The following KCNQ1 variants were observed in gnomAD, a reference collection of about 807,000 sequenced individuals.
KCNQ1 encodes the protein potassium voltage-gated channel subfamily KQT member 1.
KCNQ1 carries 49 observed loss-of-function variants against 72.4 expected under a neutral mutation model. That is an observed-to-expected ratio of 0.68 (90% CI 0.54 to 0.86). The LOEUF is 0.86. Ranked by LOEUF, KCNQ1 falls within the 40% of genes least tolerant of loss-of-function variation. The pLI, the probability that KCNQ1 is intolerant of heterozygous loss-of-function variation, is 0.00. For synonymous variants in KCNQ1, 450 were observed against 412.6 expected (o/e 1.09, Z -1.10); for missense variants, 790 against 945.1 (o/e 0.84, Z 2.15).
intron 10 of KCNQ1, chr11:2,630,492 CA>C (rs1414642440): frequency 5.0e-6 from 2 of 398,298 alleles, no homozygotes; most frequent in African/African-American, 4.1e-5. Context: ...TCCCCCGCTA[CA>C]TTTTATTTTT....
rs897749338 is a variant in KCNQ1 at position 2,559,311 on chromosome 11, C to T, written c.478-11317C>T. Among the ~76,000 whole-genome samples the T allele has an allele frequency of 2.5e-4, 38 of 152,286 alleles. No individual in the cohort carries two copies. Among genetic ancestry groups the T allele is most frequent in the African/African-American group, 8.7e-4 (36 of 41,560 alleles). ...CGTAGAGAAATGTGTGAACATGGCTCCCCTTAGGCCAGGGGTAGACGCAGG... is the reference window on the plus strand; with the variant it reads ...CGTAGAGAAATGTGTGAACATGGCTTCCCTTAGGCCAGGGGTAGACGCAGG... On this transcript the variant is annotated intron_variant, in intron 2 of 15. Coordinates refer to ENST00000155840, the MANE Select transcript of KCNQ1 (RefSeq NM_000218.3). This position sits in a 1 kb window ranked among gnomAD's most constrained non-coding sequence, Gnocchi z 4.9.
Position 2,509,500 on chromosome 11 carries a change from A to T in KCNQ1, c.387-18428A>T, listed in dbSNP as rs1266046172. The stretch of plus-strand genomic sequence containing the variant: ...GGAGGAGTCTCTGTCCTGAGCAGAG[A>T]CAGAGGAAGGCAGGGCAGCCTGCTC... On this transcript the variant is annotated intron_variant, in intron 1 of 15. Coordinates refer to ENST00000155840, the MANE Select transcript of KCNQ1 (RefSeq NM_000218.3). This position sits in a 1 kb window ranked among gnomAD's most constrained non-coding sequence, Gnocchi z 6.3. Among the ~76,000 whole-genome samples, 1 of 152,020 alleles carries T rather than the reference A, an allele frequency of 6.6e-6. No homozygotes were observed. The highest frequency in any genetic ancestry group is 2.4e-5 in the African/African-American group (1 of 41,386).
chr11:2,789,219 T>C (rs554274430), intron 15 of KCNQ1, among the ~76,000 whole-genome samples: 13 of 152,142 alleles, frequency 8.5e-5, no homozygotes, highest in African/African-American at 2.7e-4. Flanking sequence ...GAAATGATGA[T>C]ACCCTGTGCT....
intron 11 of KCNQ1, chr11:2,699,791 G>C (rs943764254): frequency 2.5e-6 from 1 of 397,184 alleles, no homozygotes; most frequent in Non-Finnish European, 4.4e-6. Flanking sequence ...GAACCGCGCC[G>C]AGGGGCGCGC....
At chr11:2,467,320 C>G (rs1331720098) in intron 1 of KCNQ1, among the ~76,000 whole-genome samples, 1 of 152,128 alleles carries the variant, frequency 6.6e-6, no homozygotes, top group African/African-American at 2.4e-5. Flanking sequence ...AGGAGGAGGG[C>G]AGGACTGGCT....
rs1052071219 is a variant in KCNQ1 at position 2,830,921 on chromosome 11, G to T, written c.1795-16846G>T. On this transcript the variant is annotated intron_variant, in intron 15 of 15. Coordinates refer to ENST00000155840, the MANE Select transcript of KCNQ1 (RefSeq NM_000218.3). This position sits in a 1 kb window ranked among gnomAD's most constrained non-coding sequence, Gnocchi z 7.7. ...AGCTGACCAGGGAGTCTTTGAAACC[G>T]CAAGGGTACCCTTGGGAGACCCCGT... Among the ~76,000 whole-genome samples, 1 of 152,180 alleles carries T rather than the reference G, an allele frequency of 6.6e-6. No individual in the cohort carries two copies. Among genetic ancestry groups the T allele is most frequent in the South Asian group, 2.1e-4 (1 of 4,834 alleles).
rs926702922 is a variant in KCNQ1 at position 2,785,725 on chromosome 11, T to C, written c.1794+7688T>C. On this transcript the variant is annotated intron_variant, in intron 15 of 15. Transcript: ENST00000155840. This position sits in a 1 kb window ranked among gnomAD's most constrained non-coding sequence, Gnocchi z 4.4. Reference sequence around the variant, plus strand: ...AAATCTGTAATATTTATTTTTCTCCTCTTTCTTGCCTCTCATTAGATTATT... The same window carrying C: ...AAATCTGTAATATTTATTTTTCTCCCCTTTCTTGCCTCTCATTAGATTATT... 2.0e-5 allele frequency among the ~76,000 whole-genome samples: 3 copies of C among 152,120 alleles called. No homozygotes were observed. Among genetic ancestry groups the C allele is most frequent in the Non-Finnish European group, 4.4e-5 (3 of 67,842 alleles).
chr11:2,818,444 C>T lies in KCNQ1; in HGVS notation c.1795-29323C>T, dbSNP rs1405266015. On this transcript the variant is annotated intron_variant, in intron 15 of 15. Transcript: ENST00000155840. The surrounding 1 kb of genome is among the most constrained non-coding windows in gnomAD (Gnocchi z 7.2). ...AGGTCCTCAGAAAGTGCCAAGAGGC[C>T]TTCCTCAGAGGAAGAGCAAGGGTAG... Among the ~76,000 whole-genome samples, 4 of 152,322 alleles carry T rather than the reference C, an allele frequency of 2.6e-5. No individual in the cohort carries two copies. Among genetic ancestry groups the T allele is most frequent in the African/African-American group, 9.6e-5 (4 of 41,568 alleles).
At chr11:2,610,346 G>T in intron 10 of KCNQ1, 1 of 397,996 alleles carries the variant, frequency 2.5e-6, no homozygotes, top group South Asian at 1.3e-4. Context: ...CTATTATAAT[G>T]ATCATACTAT....
chr11:2,650,531 T>C (rs1849741097), intron 10 of KCNQ1: 1 of 398,568 alleles, frequency 2.5e-6, no homozygotes, highest in Non-Finnish European at 4.4e-6. Flanking sequence ...ACATCAGTGG[T>C]ATCTGCAAGT....
Position 2,599,499 on chromosome 11 carries a change from C to T in KCNQ1, c.1393+10645C>T, listed in dbSNP as rs1848772207. On this transcript the variant is annotated intron_variant, in intron 10 of 15. Transcript: ENST00000155840. This position sits in a 1 kb window ranked among gnomAD's most constrained non-coding sequence, Gnocchi z 4.7. ...AGAACATAGGTTCTTGAACCTGTTTCTATGTACAGAACTTTTATTTCTATG... is the reference window on the plus strand; with the variant it reads ...AGAACATAGGTTCTTGAACCTGTTTTTATGTACAGAACTTTTATTTCTATG... Among the ~76,000 whole-genome samples, 1 of 152,126 alleles carries T rather than the reference C, an allele frequency of 6.6e-6. No individual in the cohort carries two copies. The highest frequency in any genetic ancestry group is 2.4e-5 in the African/African-American group (1 of 41,412).
chr11:2,756,981 A>AAACAAC (rs58902386), intron 11 of KCNQ1, among the ~76,000 whole-genome samples: 1 of 115,178 alleles, frequency 8.7e-6, no homozygotes, highest in African/African-American at 3.2e-5. Flanking sequence ...AAAAAAAAAA[A>AAACAAC]CCCACAGCTA....
chr11:2,556,174 C>T (rs76060301), intron 2 of KCNQ1, among the ~76,000 whole-genome samples: 168 of 152,312 alleles, frequency 1.1e-3, no homozygotes, highest in African/African-American at 5.8e-4. Flanking sequence ...GCCCCCCGGC[C>T]GGCAAGTCCA....
intron 1 of KCNQ1, among the ~76,000 whole-genome samples, chr11:2,466,081 C>T (rs977344594): frequency 6.6e-6 from 1 of 152,222 alleles, no homozygotes; most frequent in African/African-American, 2.4e-5. Context: ...CCGGGACCTG[C>T]CCATCCACCC....
rs1192635263 is a variant in KCNQ1, at chr11:2,826,525, G to A, written c.1795-21242G>A. Among the ~76,000 whole-genome samples the A allele has an allele frequency of 2.6e-5, 4 of 152,146 alleles. No homozygotes were observed. Among genetic ancestry groups the A allele is most frequent in the East Asian group, 3.9e-4 (2 of 5,174 alleles). On this transcript the variant is annotated intron_variant, in intron 15 of 15. Transcript: ENST00000155840. The surrounding 1 kb of genome is among the most constrained non-coding windows in gnomAD (Gnocchi z 4.2). ...GGCCGGTGTGGGAGCACTTTCCCCCGCCCCCTCCTGCTGCTGCTTCCCCGA... is the reference window on the plus strand; with the variant it reads ...GGCCGGTGTGGGAGCACTTTCCCCCACCCCCTCCTGCTGCTGCTTCCCCGA...
At chr11:2,795,885 CAG>C (rs779509684) in intron 15 of KCNQ1, among the ~76,000 whole-genome samples, 2 of 152,172 alleles carry the variant, frequency 1.3e-5, no homozygotes. Flanking sequence ...GCCGGGGGAA[CAG>C]GGGGTAAGTG....
In KCNQ1 at chr11:2,679,600, G is replaced by T. The variant is rs779047850; in HGVS notation, c.1514+17519G>T. 2.3e-5 allele frequency: 9 copies of T among 398,500 alleles called. No individual in the cohort carries two copies. Among genetic ancestry groups the T allele is most frequent in the Non-Finnish European group, 4.0e-5 (9 of 226,076 alleles). 24.7% of individuals were successfully genotyped at this position (398,500 alleles called of 1,614,324 possible). A position where few individuals can be genotyped will look rare whatever the true frequency, so the allele number is the denominator to read the frequency against. Reference sequence around the variant, plus strand: ...CAGTGCCTGACAAAGCTGATGGGGAGGCGAGTTGGAATGAATAGTATCAGC... The same window carrying T: ...CAGTGCCTGACAAAGCTGATGGGGATGCGAGTTGGAATGAATAGTATCAGC... On this transcript the variant is annotated intron_variant, in intron 11 of 15. Transcript: ENST00000155840. This position sits in a 1 kb window ranked among gnomAD's most constrained non-coding sequence, Gnocchi z 4.8.
At chr11:2,733,774 C>CCACACACACACACACACACACACACACA (rs144399150) in intron 11 of KCNQ1, among the ~76,000 whole-genome samples, 8 of 57,484 alleles carry the variant, frequency 1.4e-4, no homozygotes, top group African/African-American at 3.9e-4. Flanking sequence ...TTCAGGCCTT[C>CCACACACACACACACACACACACACACA]CACACACACA....
At position 2,804,524 on chromosome 11, in the gene KCNQ1, A is replaced by C. The variant is rs547036997; in HGVS notation, c.1794+26487A>C. ...TGCTCCCCTCAGAGGGCTGGGTGTC[A>C]CCCCAGTTTTGTCTGTGGGTTTGTG... On this transcript the variant is annotated intron_variant, in intron 15 of 15. Coordinates refer to ENST00000155840, the MANE Select transcript of KCNQ1 (RefSeq NM_000218.3). Among the ~76,000 whole-genome samples, 3 of 152,290 alleles carry C rather than the reference A, an allele frequency of 2.0e-5. No homozygotes were observed. The South Asian group carries it at 6.2e-4, about 32-fold the overall frequency.
Sources: gnomAD v4.1 joint callset for allele counts (sites outside exome capture counted in the v4.1 genomes callset) on GRCh38, gnomAD v4.1.1 for gene constraint, Gnocchi (gnomAD v3.1) non-coding constraint, MANE v1.5 for transcripts, NCBI Gene and HGNC (gene_info 2026-07-23, HGNC 2026-07-21) for gene names.